MARCHF8: variants seen among roughly 807,000 people sequenced by gnomAD.
MARCHF8 encodes E3 ubiquitin-protein ligase MARCHF8.
Under a neutral mutation model 51.6 loss-of-function variants are expected in MARCHF8, and 40 were observed. That is an observed-to-expected ratio of 0.77 (90% CI 0.60 to 1.01). The LOEUF (loss-of-function observed/expected upper bound fraction) is 1.01. Among genes scored for constraint, MARCHF8 ranks in the 50% least tolerant of loss-of-function variants. MARCHF8 has a pLI of 0.00. For synonymous variants in MARCHF8, 263 were observed against 280.3 expected (o/e 0.94, Z 0.62); for missense variants, 685 against 708.6 (o/e 0.97, Z 0.38).
In MARCHF8 at chr10:45,459,230, T is replaced by A. The variant is rs1029924979; in HGVS notation, c.1307A>T (p.Lys436Met). The change falls in exon 7 of 8, where the codon AAG becomes ATG. Residue 436 changes from lysine (K) to methionine (M), a missense_variant. Physicochemically the swap from Lys to Met is moderately conservative, Grantham distance 95. Coordinates refer to ENST00000453424, the MANE Select transcript of MARCHF8 (RefSeq NM_001282866.2). ...GTGGAATGTCACTGAGCACATGATCTTCCTGCGCTCGCTGGACGTCATCTG... is the reference window on the plus strand; with the variant it reads ...GTGGAATGTCACTGAGCACATGATCATCCTGCGCTCGCTGGACGTCATCTG... The part of the protein sequence containing the change: ...KLQMTSSERR[K>M]IMCSVTFHVI... The A allele has an allele frequency of 6.2e-7, 1 of 1,613,946 alleles. No homozygotes were observed. The highest frequency in any genetic ancestry group is 8.5e-7 in the Non-Finnish European group (1 of 1,180,010).
Position 45,461,442 on chromosome 10 carries a change from G to C in MARCHF8, c.1089-31C>G, listed in dbSNP as rs374357010. On this transcript the variant is annotated intron_variant, in intron 5 of 7. Transcript: ENST00000453424. Reference sequence around the variant, plus strand: ...GTGGAAGGAAAACCTGTCATTCCAAGGACAGTCCCATGACAGGGAAGCTGA... The same window carrying C: ...GTGGAAGGAAAACCTGTCATTCCAACGACAGTCCCATGACAGGGAAGCTGA... 7.4e-6 allele frequency: 11 copies of C among 1,491,802 alleles called. No homozygotes were observed. In the African/African-American group the frequency reaches 1.4e-4, roughly 19 times the overall value. The allele number at this position is 1,491,802 out of a possible 1,614,324, so 92.4% of individuals were successfully genotyped here.
At chr10:45,589,957 A>G (rs560361845) in intron 1 of MARCHF8, among the ~76,000 whole-genome samples, 1 of 152,306 alleles carries the variant, frequency 6.6e-6, no homozygotes, top group South Asian at 2.1e-4. Flanking sequence ...ATCATCCCTT[A>G]TCCCAAATCT....
intron 2 of MARCHF8, among the ~76,000 whole-genome samples, chr10:45,523,706 C>T (rs1564500929): frequency 6.6e-6 from 1 of 152,264 alleles, no homozygotes; most frequent in East Asian, 1.9e-4. Context: ...ACAGTGATAC[C>T]TAGACAAACG....
Position 45,525,199 on chromosome 10 carries a change from C to G in MARCHF8, c.102+7911G>C, listed in dbSNP as rs1006701244. Among the ~76,000 whole-genome samples the G allele has an allele frequency of 3.1e-4, 47 of 152,170 alleles. 5 individuals are homozygous for G. Among genetic ancestry groups the G allele is most frequent in the Admixed American group, 2.6e-3 (39 of 15,288 alleles). On this transcript the variant is annotated intron_variant, in intron 2 of 7. Transcript: ENST00000453424. ...TACTCATGTGTTTTTAGAGCAAATA[C>G]GAAATTGTGTTTACTGACCATCATC...
At chr10:45,550,594 A>G (rs1248128455) in intron 1 of MARCHF8, among the ~76,000 whole-genome samples, 4 of 152,142 alleles carry the variant, frequency 2.6e-5, no homozygotes, top group Non-Finnish European at 5.9e-5. Context: ...CCAGAGCAGA[A>G]TTTGCCTCAC....
At chr10:45,538,955 G>T (rs866961601), upstream of MARCHF8, among the ~76,000 whole-genome samples, 1 of 152,146 alleles carries the variant, frequency 6.6e-6, no homozygotes, top group Non-Finnish European at 1.5e-5. Flanking sequence ...ACTCAGCTCT[G>T]CACCAAGCGG....
intron 3 of MARCHF8, among the ~76,000 whole-genome samples, chr10:45,478,377 G>C (rs1316525710): frequency 6.6e-6 from 1 of 152,092 alleles, no homozygotes; most frequent in African/African-American, 2.4e-5. Flanking sequence ...AAACCTGTGG[G>C]ATAGAGCAAA....
At chr10:45,522,495 C>T (rs1173882163) in intron 2 of MARCHF8, among the ~76,000 whole-genome samples, 1 of 90,358 alleles carries the variant, frequency 1.1e-5, no homozygotes, top group Non-Finnish European at 2.6e-5. Context: ...GGGTGTAATA[C>T]AAATCAGTTG....
In MARCHF8 at chr10:45,543,555, T is replaced by C. The variant is rs1027318813; in HGVS notation, c.-78-10266A>G. ...GGCTCATGCCTGTAATCCTAGCACT[T>C]TGGGAGGCCGAGGCAGGCGGATCAC... On this transcript the variant is annotated intron_variant, in intron 1 of 6. Coordinates refer to the MARCHF8 transcript ENST00000319836. Among the ~76,000 whole-genome samples, 11 of 152,124 alleles carry C rather than the reference T, an allele frequency of 7.2e-5. No homozygotes were observed. The East Asian group carries it at 2.1e-3, about 29-fold the overall frequency.
chr10:45,458,010 G>T lies in MARCHF8; in HGVS notation c.*229C>A, dbSNP rs1297105630. On this transcript the variant is annotated 3_prime_UTR_variant, in exon 8 of 8. Transcript: ENST00000453424. ...TGGCTCCCCATGATGTCATCATGGG[G>T]TCTTCCACTTTCCCACAGAGCTGCC... 5 of 540,882 alleles carry T rather than the reference G, an allele frequency of 9.2e-6. No homozygotes were observed. The South Asian group carries it at 1.1e-4, about 12-fold the overall frequency. 33.5% of individuals were successfully genotyped at this position (540,882 alleles called of 1,614,324 possible). A position where few individuals can be genotyped will look rare whatever the true frequency, so the allele number is the denominator to read the frequency against.
At chr10:45,521,227 T>C (rs1226390904) in intron 2 of MARCHF8, among the ~76,000 whole-genome samples, 1 of 152,224 alleles carries the variant, frequency 6.6e-6, no homozygotes, top group African/African-American at 2.4e-5. Flanking sequence ...ACCTTCATTT[T>C]GAAGCCTCTT....
chr10:45,518,003 A>ATT (rs2043647696), intron 2 of MARCHF8, among the ~76,000 whole-genome samples: 1 of 152,264 alleles, frequency 6.6e-6, no homozygotes, highest in African/African-American at 2.4e-5. Flanking sequence ...TTTCTTGAAT[A>ATT]TTTTAAGTTA....
intron 1 of MARCHF8, among the ~76,000 whole-genome samples, chr10:45,544,205 A>G (rs942953016): frequency 2.6e-5 from 4 of 152,258 alleles, no homozygotes; most frequent in African/African-American, 7.2e-5. Flanking sequence ...AATGGCTCCA[A>G]TCAAAAAGAC....
chr10:45,531,720 T>C (rs968042106), intron 2 of MARCHF8, among the ~76,000 whole-genome samples: 10 of 152,174 alleles, frequency 6.6e-5, no homozygotes, highest in Non-Finnish European at 1.5e-4. Flanking sequence ...AGCGAGGGTG[T>C]GTTAACAGAT....
At chr10:45,529,686 T>C (rs547551542) in intron 2 of MARCHF8, among the ~76,000 whole-genome samples, 1 of 152,170 alleles carries the variant, frequency 6.6e-6, no homozygotes, top group South Asian at 2.1e-4. Context: ...GACATACAAA[T>C]GGCCAAGAAA....
chr10:45,464,522 A>G (rs1842905716), intron 3 of MARCHF8, among the ~76,000 whole-genome samples, 195 bp from the exon 4 acceptor site: 1 of 152,250 alleles, frequency 6.6e-6, no homozygotes, highest in African/African-American at 2.4e-5. Flanking sequence ...TCTGTGGATA[A>G]AAGTGTAAGA....
intron 1 of MARCHF8, among the ~76,000 whole-genome samples, chr10:45,570,057 C>T (rs534944799): frequency 6.6e-5 from 10 of 152,094 alleles, no homozygotes; most frequent in Non-Finnish European, 1.5e-4. Flanking sequence ...AAATACTCAG[C>T]CTACCCTTTT....
chr10:45,469,684 T>G (rs964489329), intron 3 of MARCHF8, among the ~76,000 whole-genome samples: 1 of 151,554 alleles, frequency 6.6e-6, no homozygotes. Flanking sequence ...GCTAACACGG[T>G]GAAACCCCGT....
At chr10:45,495,771 G>T (rs1030114377) in intron 2 of MARCHF8, among the ~76,000 whole-genome samples, 101 of 127,262 alleles carry the variant, frequency 7.9e-4, no homozygotes, top group Non-Finnish European at 1.4e-3. Flanking sequence ...GGGAGGGGAT[G>T]CTAGGGGAGG....
Sources: allele counts gnomAD v4.1 joint callset (sites outside exome capture counted in the v4.1 genomes callset), GRCh38; gene constraint gnomAD v4.1.1; transcripts MANE v1.5; gene names NCBI Gene and HGNC (gene_info 2026-07-23, HGNC 2026-07-21).